Variants in MYO5C observed in about 807,000 individuals in gnomAD.
The protein encoded by MYO5C is unconventional myosin-Vc.
In MYO5C, 194 loss-of-function variants were observed where a neutral mutation model predicts 235.7. The ratio of observed to expected loss-of-function variants is 0.82; its 90% CI spans 0.73 to 0.93. The LOEUF (loss-of-function observed/expected upper bound fraction) is 0.93, where lower values mean the gene tolerates loss of function less well. Among genes scored for constraint, MYO5C ranks in the 40% least tolerant of loss-of-function variants. The pLI is 0.00. For missense variants in MYO5C, 2,038 were observed against 2,127.2 expected, an observed-to-expected ratio of 0.96 and a Z score of 0.82; for synonymous variants, 707 against 754.8, an observed-to-expected ratio of 0.94 and a Z score of 1.04.
chr15:52,204,872 G>GCATCCCTTT lies in MYO5C; in HGVS notation c.4804_4812dup (p.Lys1602_Met1604dup). On this transcript the variant is annotated inframe_insertion, in exon 38 of 41. Coordinates refer to ENST00000261839, the MANE Select transcript of MYO5C (RefSeq NM_018728.4). ...GAGGTTTCTGGGTTTTACCTGATCT[G>GCATCCCTTT]CATCCCTTTTCTGCAGGAGCACATG... 1.2e-6 allele frequency: 2 copies of GCATCCCTTT among 1,613,842 alleles called. No individual in the cohort carries two copies. The highest frequency in any genetic ancestry group is 1.7e-6 in the Non-Finnish European group (2 of 1,179,938).
At chr15:52,239,927 T>A in intron 20 of MYO5C, 48 bp from the exon 21 acceptor site, 2 of 1,564,066 alleles carry the variant, frequency 1.3e-6, no homozygotes, top group Non-Finnish European at 1.7e-6. Flanking sequence ...CAAGTGCTTC[T>A]CTAACCAACT....
At chr15:52,207,146 GAA>G (rs796676990) in intron 36 of MYO5C, among the ~76,000 whole-genome samples, 1 of 120,660 alleles carries the variant, frequency 8.3e-6, no homozygotes. Flanking sequence ...AAAAGAAAAA[GAA>G]AAAAAAAAAA....
chr15:52,196,169 G>A (rs2035047476), intron 39 of MYO5C, 140 bp downstream of exon 39: 3 of 623,044 alleles, frequency 4.8e-6, no homozygotes, highest in South Asian at 3.4e-5. Context: ...AGATAAAAGG[G>A]TGGGCCATGG....
At chr15:52,262,745 T>C (rs1337366062) in intron 9 of MYO5C, among the ~76,000 whole-genome samples, 2 of 152,200 alleles carry the variant, frequency 1.3e-5, no homozygotes, top group African/African-American at 4.8e-5. Context: ...AAACCGTTGG[T>C]AGCAGACAGC....
At chr15:52,226,757 T>C (rs1431526853) in intron 25 of MYO5C, among the ~76,000 whole-genome samples, 1 of 152,228 alleles carries the variant, frequency 6.6e-6, no homozygotes, top group African/African-American at 2.4e-5. Flanking sequence ...TTCTTTGTAA[T>C]GTTTCAGTAA....
intron 24 of MYO5C, among the ~76,000 whole-genome samples, chr15:52,231,915 C>T (rs938052685): frequency 2.0e-5 from 3 of 152,090 alleles, no homozygotes; most frequent in African/African-American, 7.2e-5. Flanking sequence ...AGGCACCTGC[C>T]TTAATTTCTG....
rs1209248500 is a variant in MYO5C, at chr15:52,271,782, T to A, written c.813A>T (p.Glu271Asp). The change falls in exon 7 of 41, where the codon GAA becomes GAT. Residue 271 changes from glutamate to aspartate, a missense_variant. Glu to Asp is a conservative substitution (Grantham distance 45, BLOSUM62 2). Coordinates refer to ENST00000261839, the MANE Select transcript of MYO5C (RefSeq NM_018728.4). The part of the protein sequence containing the change: ...YQLCASAQQS[E>D]FKHLKLGSAE... ...ACATACCCAATTTAAGATGTTTAAA[T>A]TCCGACTGCTGTGCAGATGCACAAA... The A allele has an allele frequency of 6.4e-7, 1 of 1,564,662 alleles. No homozygotes were observed. Among genetic ancestry groups the A allele is most frequent in the Non-Finnish European group, 8.7e-7 (1 of 1,146,374 alleles).
chr15:52,234,157 C>T (rs1007341649), intron 23 of MYO5C, among the ~76,000 whole-genome samples: 15 of 152,144 alleles, frequency 9.9e-5, no homozygotes, highest in African/African-American at 1.9e-4. Context: ...AGAAGCTGCT[C>T]GAATGTGATT....
At chr15:52,285,341 C>A (rs2037236818) in intron 1 of MYO5C, among the ~76,000 whole-genome samples, 1 of 151,776 alleles carries the variant, frequency 6.6e-6, no homozygotes, top group African/African-American at 2.4e-5. Context: ...GCACTCCAGC[C>A]TGGGAGACAA....
At chr15:52,225,667 C>A (rs2035805827) in intron 25 of MYO5C, 135 bp from the exon 26 acceptor site, 3 of 654,950 alleles carry the variant, frequency 4.6e-6, no homozygotes, top group Non-Finnish European at 8.2e-6. Context: ...TAGCTAAAAT[C>A]TTGTTAAACC....
At chr15:52,241,221 T>C (rs1277940715) in intron 20 of MYO5C, among the ~76,000 whole-genome samples, 1 of 151,264 alleles carries the variant, frequency 6.6e-6, no homozygotes, top group African/African-American at 2.4e-5. Context: ...GAGAGCTCTC[T>C]ACAGTCTGTG....
intron 34 of MYO5C, among the ~76,000 whole-genome samples, chr15:52,212,891 A>C (rs1317846136): frequency 6.6e-6 from 1 of 152,186 alleles, no homozygotes; most frequent in African/African-American, 2.4e-5. Flanking sequence ...TCAACTGAGG[A>C]CAGTTTTGGC....
intron 35 of MYO5C, among the ~76,000 whole-genome samples, chr15:52,209,610 T>C (rs1281141290): frequency 1.3e-5 from 2 of 152,110 alleles, no homozygotes; most frequent in African/African-American, 4.8e-5. Flanking sequence ...ATACCACACA[T>C]CTCTTGATTT....
Position 52,229,329 on chromosome 15 carries a change from A to C in MYO5C, c.3027-16T>G. On this transcript the variant is annotated splice_polypyrimidine_tract_variant and intron_variant, in intron 24 of 40. Coordinates refer to ENST00000261839, the MANE Select transcript of MYO5C (RefSeq NM_018728.4). ...TTCAAGAAGCCTACGCAGCAAAAGAAGAAAATAATTTAGAGCTGAGCATGG... is the reference window on the plus strand; with the variant it reads ...TTCAAGAAGCCTACGCAGCAAAAGACGAAAATAATTTAGAGCTGAGCATGG... 1 of 1,607,890 alleles carries C rather than the reference A, an allele frequency of 6.2e-7. No individual in the cohort carries two copies. The highest frequency in any genetic ancestry group is 8.5e-7 in the Non-Finnish European group (1 of 1,179,120).
At chr15:52,199,547 T>C (rs1206285071) in intron 38 of MYO5C, among the ~76,000 whole-genome samples, 1 of 142,192 alleles carries the variant, frequency 7.0e-6, no homozygotes, top group Non-Finnish European at 1.6e-5. Context: ...TTCACTGGCC[T>C]CTACTCGCCA....
At chr15:52,269,954 G>A in intron 7 of MYO5C, 94 bp from the exon 8 acceptor site, 1 of 861,992 alleles carries the variant, frequency 1.2e-6, no homozygotes, top group Admixed American at 1.8e-5. Flanking sequence ...TCAAAGAACT[G>A]TGTCATGCAC....
At chr15:52,276,450 C>G (rs772656993) in intron 4 of MYO5C, among the ~76,000 whole-genome samples, 3 of 152,210 alleles carry the variant, frequency 2.0e-5, no homozygotes, top group Non-Finnish European at 2.9e-5. Flanking sequence ...ATTAGAGATG[C>G]AGTGCCCACC....
In MYO5C at chr15:52,239,760, C is replaced by T; in HGVS notation, c.2676G>A (p.Gln892=). 6.2e-7 allele frequency: 1 copy of T among 1,611,252 alleles called. No individual in the cohort carries two copies. The change falls in exon 21 of 41, where the codon CAG becomes CAA. Residue 892 remains glutamine (Q), a synonymous_variant. Coordinates refer to ENST00000261839, the MANE Select transcript of MYO5C (RefSeq NM_018728.4). ...GATCTTCCAACTTTTTCTGCAAACGCTGGACCCTGTAAGTAAGCTGAATAT... is the reference window on the plus strand; with the variant it reads ...GATCTTCCAACTTTTTCTGCAAACGTTGGACCCTGTAAGTAAGCTGAATAT... ...VLNIQLTYRV[Q]RLQKKLEDQN...
rs528165530 is a variant in MYO5C at position 52,197,593 on chromosome 15, G to A, written c.4821-1110C>T. ...ATTACAGTGATAGTTGCACAACTAC[G>A]TAAATATATCAAAAACGATTGAACT... On this transcript the variant is annotated intron_variant, in intron 38 of 40. Transcript: ENST00000261839. Among the ~76,000 whole-genome samples the A allele has an allele frequency of 8.5e-5, 13 of 152,224 alleles. No individual in the cohort carries two copies. In the East Asian group the frequency reaches 1.2e-3, roughly 14 times the overall value.
Sources: gnomAD v4.1 joint callset for allele counts (sites outside exome capture counted in the v4.1 genomes callset) on GRCh38, gnomAD v4.1.1 for gene constraint, MANE v1.5 for transcripts, NCBI Gene and HGNC (gene_info 2026-07-23, HGNC 2026-07-21) for gene names.